Variants in AKAP12 observed in about 807,000 individuals in gnomAD.
AKAP12 encodes A-kinase anchoring protein 12.
A neutral mutation model predicts 79.9 loss-of-function variants in AKAP12; 32 were observed. The observed-to-expected ratio is 0.40, with a 90% CI of 0.30 to 0.54. AKAP12 has a LOEUF of 0.54. Ranked by LOEUF, AKAP12 falls within the 20% of genes least tolerant of loss-of-function variation. AKAP12 has a pLI of 0.48. For missense variants in AKAP12, 2,074 were observed against 2,177.0 expected (o/e 0.95, Z 0.94); for synonymous variants, 808 against 857.0 (o/e 0.94, Z 1.00).
rs2114831671 is a variant in AKAP12, at chr6:151,352,766, GA to G, written c.4382del (p.Asn1461MetfsTer26). ...TTTAGTTCTGGAAGAGAAATCCTCT[GA>G]AAAAAATGAAGACTTTGCCGCTCAT... is the stretch of plus-strand genomic sequence containing the variant. The part of the protein sequence containing the change: ...AHLVLEEKSS[E>X]KNEDFAAHPG... On this transcript the variant is annotated frameshift_variant, in exon 4 of 5. Coordinates refer to ENST00000402676, the MANE Select transcript of AKAP12 (RefSeq NM_005100.4). LOFTEE classifies it low-confidence loss of function (END_TRUNC). 5 of 1,614,056 alleles carry G rather than the reference GA, an allele frequency of 3.1e-6. No individual in the cohort carries two copies. The highest frequency in any genetic ancestry group is 4.2e-6 in the Non-Finnish European group (5 of 1,180,016).
Position 151,295,057 on chromosome 6 carries a change from T to C in AKAP12, c.163-10690T>C, listed in dbSNP as rs75378738. ...GGAGCACAGAACACTTCTGAGATAATGCGTGGTATGTTGGTGTTGATACAC... is the reference window on the plus strand; with the variant it reads ...GGAGCACAGAACACTTCTGAGATAACGCGTGGTATGTTGGTGTTGATACAC... On this transcript the variant is annotated intron_variant, in intron 2 of 4. Transcript: ENST00000402676. Among the ~76,000 whole-genome samples, 1,293 of 152,322 alleles carry C rather than the reference T, an allele frequency of 8.5e-3. 16 individuals are homozygous for C. The highest frequency in any genetic ancestry group is 0.029 in the African/African-American group (1,213 of 41,572).
intron 2 of AKAP12, among the ~76,000 whole-genome samples, chr6:151,245,306 G>A (rs78232802): frequency 0.079 from 11,282 of 142,342 alleles, 473 homozygotes; most frequent in Middle Eastern, 0.14. Flanking sequence ...AAGCCAGTAC[G>A]TTTATCTCTT....
intron 2 of AKAP12, among the ~76,000 whole-genome samples, chr6:151,241,166 C>G (rs1363004720): frequency 6.6e-6 from 1 of 152,202 alleles, no homozygotes; most frequent in East Asian, 1.9e-4. Context: ...CGTGGTGGAG[C>G]CCGCCGGGGA....
chr6:151,341,722 C>T lies in AKAP12; in HGVS notation c.320-6989C>T, dbSNP rs984043479. On this transcript the variant is annotated intron_variant, in intron 3 of 4. Transcript: ENST00000402676. ...CGTGCACCCAAGCGGCAGTTCGCCCCGCAGCGATGGCGGACACGGAATCCC... is the reference window on the plus strand; with the variant it reads ...CGTGCACCCAAGCGGCAGTTCGCCCTGCAGCGATGGCGGACACGGAATCCC... 3.3e-5 allele frequency: 42 copies of T among 1,269,938 alleles called. No individual in the cohort carries two copies. The Middle Eastern group carries it at 6.6e-4, about 20-fold the overall frequency. The allele number at this position is 1,269,938 out of a possible 1,614,324, so 78.7% of individuals were successfully genotyped here.
Position 151,349,401 on chromosome 6 carries a change from CAGA to C in AKAP12, c.1017_1019del (p.Glu339del), listed in dbSNP as rs768378901. On this transcript the variant is annotated inframe_deletion, in exon 4 of 5. Coordinates refer to ENST00000402676, the MANE Select transcript of AKAP12 (RefSeq NM_005100.4). ...GAACAAGAGCCAGAAAAAGTAGACA[CAGA>C]AGAAGACGGAAAGGCAGAGGTTGCC... is the stretch of plus-strand genomic sequence containing the variant. 2 of 1,613,362 alleles carry C rather than the reference CAGA, an allele frequency of 1.2e-6. No homozygotes were observed. The highest frequency in any genetic ancestry group is 1.1e-5 in the South Asian group (1 of 91,064).
intron 3 of AKAP12, among the ~76,000 whole-genome samples, chr6:151,318,793 A>G (rs938757768): frequency 6.6e-6 from 1 of 151,974 alleles, no homozygotes; most frequent in Non-Finnish European, 1.5e-5. Context: ...AAATAAAAAA[A>G]TTATCTAGGT....
chr6:151,246,593 C>T (rs1438073734), intron 2 of AKAP12, among the ~76,000 whole-genome samples: 1 of 152,074 alleles, frequency 6.6e-6, no homozygotes, highest in African/African-American at 2.4e-5. Flanking sequence ...AGAATGGTAC[C>T]TCAGTTTCCT....
At chr6:151,317,195 G>A (rs540524253) in intron 3 of AKAP12, among the ~76,000 whole-genome samples, 11 of 152,262 alleles carry the variant, frequency 7.2e-5, no homozygotes, top group Non-Finnish European at 1.3e-4. Flanking sequence ...CCCCTGTGCA[G>A]GAGGCTCTTC....
At chr6:151,323,135 C>A (rs775360592) in intron 3 of AKAP12, among the ~76,000 whole-genome samples, 1 of 152,202 alleles carries the variant, frequency 6.6e-6, no homozygotes, top group Non-Finnish European at 1.5e-5. Flanking sequence ...GCAGCTGGGC[C>A]GTGCACCCTG....
chr6:151,350,097 C>A lies in AKAP12; in HGVS notation c.1706C>A (p.Ser569Tyr). The change falls in exon 4 of 5, where the codon TCC (serine) becomes TAC (tyrosine). Residue 569 changes from serine (S) to tyrosine (Y), a missense_variant. Ser to Tyr is a moderately radical substitution (Grantham distance 144, BLOSUM62 -2). This residue lies in a region of AKAP12 where 1,428 missense variants were observed against 1,451.0 expected (regional missense o/e 0.98). Coordinates refer to ENST00000402676, the MANE Select transcript of AKAP12 (RefSeq NM_005100.4). This position sits in a 1 kb window ranked among gnomAD's most constrained non-coding sequence, Gnocchi z 4.8. ...EEQKGESSAS[S>Y]PEEPEEITCL... is the part of the protein sequence containing the mutation. ...CAAAAGGGCGAGAGCTCTGCCTCAT[C>A]CCCTGAGGAGCCCGAGGAGATCACG... 1 of 1,614,034 alleles carries A rather than the reference C, an allele frequency of 6.2e-7. No homozygotes were observed.
chr6:151,308,243 T>A (rs1777017786), intron 3 of AKAP12, among the ~76,000 whole-genome samples: 1 of 151,374 alleles, frequency 6.6e-6, no homozygotes, highest in South Asian at 2.1e-4. Context: ...GACAGGGTCT[T>A]GCTGTATCAC....
In AKAP12 at chr6:151,348,911, A is replaced by G; in HGVS notation, c.520A>G (p.Lys174Glu). 1 of 1,614,050 alleles carries G rather than the reference A, an allele frequency of 6.2e-7. No homozygotes were observed. The highest frequency in any genetic ancestry group is 8.5e-7 in the Non-Finnish European group (1 of 1,179,996). ...CCAGGCTAATGATATTGGATTTAAG[A>G]AGGTGTTTAAGTTTGTTGGCTTTAA... ...ESQANDIGFK[K>E]VFKFVGFKFT... is the part of the protein sequence containing the mutation. Residue 174 changes from lysine (K) to glutamate (E), a missense_variant, in exon 4 of 5, where the codon AAG becomes GAG. Lys to Glu is a moderately conservative substitution (Grantham distance 56). Transcript: ENST00000402676.
At chr6:151,341,796 G>A in intron 3 of AKAP12, 2 of 1,288,580 alleles carry the variant, frequency 1.6e-6, no homozygotes, top group South Asian at 2.5e-5. Flanking sequence ...GGTGTGTGTG[G>A]GTTTTCCAGC....
chr6:151,289,942 A>G (rs1251906378), intron 2 of AKAP12, among the ~76,000 whole-genome samples: 1 of 152,188 alleles, frequency 6.6e-6, no homozygotes. Flanking sequence ...CTCCTTGGGT[A>G]ACATGATGAC....
chr6:151,306,959 A>G (rs1391939717), intron 3 of AKAP12, among the ~76,000 whole-genome samples: 9 of 152,220 alleles, frequency 5.9e-5, no homozygotes, highest in Non-Finnish European at 1.3e-4. Flanking sequence ...CTTTTGAATC[A>G]AGTCAAGCAC....
intron 3 of AKAP12, among the ~76,000 whole-genome samples, chr6:151,331,746 G>A (rs1279039513): frequency 2.0e-5 from 3 of 151,854 alleles, no homozygotes; most frequent in South Asian, 2.1e-4. Context: ...TTAGCCGGGC[G>A]TGGTGGCAGG....
intron 2 of AKAP12, among the ~76,000 whole-genome samples, chr6:151,249,743 CCTTTTA>C (rs1797139992): frequency 6.6e-6 from 1 of 152,136 alleles, no homozygotes; most frequent in South Asian, 2.1e-4. Context: ...TTATTGATTT[CCTTTTA>C]CTTTTAAATT....
intron 2 of AKAP12, among the ~76,000 whole-genome samples, chr6:151,269,630 G>T (rs1307082031): frequency 6.6e-6 from 1 of 152,134 alleles, no homozygotes; most frequent in East Asian, 1.9e-4. Context: ...GATATCTCTG[G>T]ATCACTTTGC....
At position 151,321,903 on chromosome 6, in the gene AKAP12, G is replaced by GTTTTT. The variant is rs11415941; in HGVS notation, c.319+16021_319+16025dup. 5.6e-4 allele frequency among the ~76,000 whole-genome samples: 38 copies of GTTTTT among 67,320 alleles called. 2 individuals carry two copies. The highest frequency in any genetic ancestry group is 1.2e-3 in the African/African-American group (19 of 16,230). 44.2% of individuals were successfully genotyped at this position (67,320 alleles called of 152,430 possible). A position where few individuals can be genotyped will look rare whatever the true frequency, so the allele number is the denominator to read the frequency against. On this transcript the variant is annotated intron_variant, in intron 3 of 4. Coordinates refer to ENST00000402676, the MANE Select transcript of AKAP12 (RefSeq NM_005100.4). ...TTTAAACCAGGCACATCAGCTTTAT[G>GTTTTT]TTTTTTTTTTTTTTTTTTTTTTTTT...
Sources: gnomAD v4.1 joint callset for allele counts (sites outside exome capture counted in the v4.1 genomes callset) on GRCh38, gnomAD v4.1.1 for gene constraint, gnomAD v4.1.1 regional missense constraint, Gnocchi (gnomAD v3.1) non-coding constraint, MANE v1.5 for transcripts, NCBI Gene and HGNC (gene_info 2026-07-23, HGNC 2026-07-21) for gene names.